KLHL29: variants seen among roughly 807,000 people sequenced by gnomAD.
The protein encoded by KLHL29 is kelch like family member 29.
KLHL29 carries 21 observed loss-of-function variants against 80.4 expected under a neutral mutation model. That is an observed-to-expected ratio of 0.26 (90% CI 0.19 to 0.38). The LOEUF (loss-of-function observed/expected upper bound fraction) is 0.38, where lower values mean the gene tolerates loss of function less well. Among genes scored for constraint, KLHL29 ranks in the 10% least tolerant of loss-of-function variants. The pLI is 1.00. For synonymous variants in KLHL29, 511 were observed against 526.8 expected, an observed-to-expected ratio of 0.97 and a Z score of 0.41; for missense variants, 867 against 1,223.9, an observed-to-expected ratio of 0.71 and a Z score of 4.35.
intron 2 of KLHL29, among the ~76,000 whole-genome samples, chr2:23,499,600 G>C (rs1222620231): frequency 1.3e-5 from 2 of 152,214 alleles, no homozygotes; most frequent in East Asian, 3.8e-4. Flanking sequence ...AGGCTAAGGA[G>C]AAAAGGGATG....
At chr2:23,520,482 T>A (rs1375695635) in intron 2 of KLHL29, among the ~76,000 whole-genome samples, 1 of 152,214 alleles carries the variant, frequency 6.6e-6, no homozygotes, top group Non-Finnish European at 1.5e-5. Flanking sequence ...CTGTGTTTGC[T>A]TGTGTTGGAA....
At chr2:23,611,509 C>T (rs1400320061) in intron 3 of KLHL29, among the ~76,000 whole-genome samples, 2 of 152,148 alleles carry the variant, frequency 1.3e-5, no homozygotes, top group African/African-American at 4.8e-5. Flanking sequence ...TACTAGTATC[C>T]CTAGGTGCCC....
intron 1 of KLHL29, among the ~76,000 whole-genome samples, chr2:23,421,566 CTGTAGCTG>C (rs1173588227): frequency 3.0e-5 from 3 of 98,462 alleles, no homozygotes; most frequent in South Asian, 3.3e-4. Context: ...GTGTGTGTGT[CTGTAGCTG>C]TGTGTGTCTG....
intron 7 of KLHL29, among the ~76,000 whole-genome samples, chr2:23,692,889 A>G (rs1039466624): frequency 1.3e-5 from 2 of 152,178 alleles, no homozygotes; most frequent in Admixed American, 6.5e-5. Context: ...CATGCCTGGC[A>G]CAACATGGAA....
At position 23,546,610 on chromosome 2, in the gene KLHL29, GA is replaced by G. The variant is rs758289503; in HGVS notation, c.-45-15540del. Reference sequence around the variant, plus strand: ...CTGACTATAGGGAGCAGCGATCCTAGAAGAGAGCTGGCCTAGGAGGGAAACT... The same window carrying G: ...CTGACTATAGGGAGCAGCGATCCTAGAGAGAGCTGGCCTAGGAGGGAAACT... On this transcript the variant is annotated intron_variant, in intron 2 of 13. Transcript: ENST00000486442. Among the ~76,000 whole-genome samples the G allele has an allele frequency of 9.9e-5, 15 of 152,274 alleles. No homozygotes were observed. The East Asian group carries it at 2.1e-3, about 22-fold the overall frequency.
chr2:23,638,020 C>T (rs138859491), intron 3 of KLHL29, among the ~76,000 whole-genome samples: 2 of 150,168 alleles, frequency 1.3e-5, no homozygotes, highest in Non-Finnish European at 3.0e-5. Context: ...TCCCAGGTAT[C>T]CTATCCCAAC....
At chr2:23,439,043 G>C (rs1471068861) in intron 1 of KLHL29, among the ~76,000 whole-genome samples, 1 of 149,484 alleles carries the variant, frequency 6.7e-6, no homozygotes, top group Non-Finnish European at 1.5e-5. Flanking sequence ...TCTTGGGAGA[G>C]TGTATGTGTC....
intron 1 of KLHL29, among the ~76,000 whole-genome samples, chr2:23,423,127 C>T (rs1490920107): frequency 2.6e-5 from 4 of 152,350 alleles, no homozygotes; most frequent in South Asian, 2.1e-4. Flanking sequence ...TGGCGGGCCC[C>T]GCAGGTGGTC....
intron 4 of KLHL29, among the ~76,000 whole-genome samples, chr2:23,640,955 G>A (rs1227427572): frequency 6.6e-6 from 1 of 152,150 alleles, no homozygotes; most frequent in African/African-American, 2.4e-5. Flanking sequence ...TTTCTGAGAG[G>A]GAGCTCCCAG....
intron 5 of KLHL29, among the ~76,000 whole-genome samples, chr2:23,678,518 T>C (rs1040829982): frequency 2.6e-5 from 4 of 152,210 alleles, no homozygotes; most frequent in Admixed American, 1.3e-4. Flanking sequence ...AGATGAGACA[T>C]TTAGACCGGC....
intron 1 of KLHL29, among the ~76,000 whole-genome samples, chr2:23,448,294 C>T (rs1259251444): frequency 1.3e-5 from 2 of 152,114 alleles, no homozygotes; most frequent in Non-Finnish European, 2.9e-5. Flanking sequence ...GAAACACTTT[C>T]CTTATTCCAG....
At chr2:23,621,827 C>T (rs533421200) in intron 3 of KLHL29, among the ~76,000 whole-genome samples, 8 of 152,290 alleles carry the variant, frequency 5.3e-5, no homozygotes, top group African/African-American at 1.9e-4. Context: ...ATACCCTCCT[C>T]CCTGTGGTGG....
chr2:23,698,812 C>T (rs191796053), intron 11 of KLHL29, among the ~76,000 whole-genome samples: 47 of 152,202 alleles, frequency 3.1e-4, no homozygotes, highest in African/African-American at 1.0e-3. Context: ...ATTGAGCTGA[C>T]GGGAGGGCTC....
At chr2:23,464,754 A>T (rs1189829047) in intron 1 of KLHL29, among the ~76,000 whole-genome samples, 3 of 152,146 alleles carry the variant, frequency 2.0e-5, no homozygotes, top group African/African-American at 7.2e-5. Flanking sequence ...GTTTTAAGGC[A>T]TCGTCATTCT....
intron 5 of KLHL29, among the ~76,000 whole-genome samples, chr2:23,678,540 A>G (rs1218501040): frequency 4.6e-5 from 7 of 152,224 alleles, no homozygotes; most frequent in Non-Finnish European, 1.5e-5. Flanking sequence ...AGTCTCTGCC[A>G]ATATCAGCCA....
At chr2:23,515,124 A>G (rs1297979799) in intron 2 of KLHL29, among the ~76,000 whole-genome samples, 1 of 152,140 alleles carries the variant, frequency 6.6e-6, no homozygotes, top group African/African-American at 2.4e-5. Context: ...TCTAACCCAA[A>G]TCACTTTCTG....
chr2:23,447,919 A>G (rs1366372660), intron 1 of KLHL29, among the ~76,000 whole-genome samples: 1 of 152,142 alleles, frequency 6.6e-6, no homozygotes, highest in South Asian at 2.1e-4. Flanking sequence ...ATTTCAAAAC[A>G]TATCTGGTCC....
intron 5 of KLHL29, among the ~76,000 whole-genome samples, chr2:23,663,296 G>A (rs1190837122): frequency 6.6e-6 from 1 of 152,198 alleles, no homozygotes; most frequent in Non-Finnish European, 1.5e-5. Flanking sequence ...GGGTTTCCAG[G>A]TAGGGGTCCC....
rs116821267 is a variant in KLHL29, at chr2:23,684,961, G to A, written c.1079+424G>A. Among the ~76,000 whole-genome samples, 6,409 of 152,326 alleles carry A rather than the reference G, an allele frequency of 0.042. 199 individuals are homozygous for A. The highest frequency in any genetic ancestry group is 0.071 in the Middle Eastern group (21 of 294). On this transcript the variant is annotated intron_variant, in intron 6 of 13. Transcript: ENST00000486442. The surrounding 1 kb of genome is among the most constrained non-coding windows in gnomAD (Gnocchi z 4.4). ...AGTGCCATCGTCCCTGCTGTCGGTG[G>A]TGACTAATGCCAGGAAAGCGCATCG...
Sources: gnomAD v4.1 joint callset for allele counts (sites outside exome capture counted in the v4.1 genomes callset) on GRCh38, gnomAD v4.1.1 for gene constraint, Gnocchi (gnomAD v3.1) non-coding constraint, MANE v1.5 for transcripts, NCBI Gene and HGNC (gene_info 2026-07-23, HGNC 2026-07-21) for gene names.